RTTN: variants seen among roughly 807,000 people sequenced by gnomAD.
The protein encoded by RTTN is rotatin.
A neutral mutation model predicts 269.2 loss-of-function variants in RTTN; 182 were observed. The observed-to-expected ratio is 0.68, with a 90% CI of 0.60 to 0.76. The LOEUF (loss-of-function observed/expected upper bound fraction) is 0.76, where lower values mean the gene tolerates loss of function less well. RTTN is among the 30% of genes least tolerant of loss of function. The pLI, the probability that RTTN is intolerant of heterozygous loss-of-function variation, is 0.00. For synonymous variants in RTTN, 1,006 were observed against 963.5 expected, an observed-to-expected ratio of 1.04 and a Z score of -0.82; for missense variants, 2,545 against 2,608.6, an observed-to-expected ratio of 0.98 and a Z score of 0.53.
chr18:70,189,064 T>C (rs928516207), intron 9 of RTTN, among the ~76,000 whole-genome samples: 2 of 152,232 alleles, frequency 1.3e-5, no homozygotes, highest in African/African-American at 2.4e-5. Context: ...TACCAAGATA[T>C]AGCTTTATAA....
At chr18:70,142,499 T>A in intron 18 of RTTN, 112 bp from the exon 19 acceptor site, 1 of 642,972 alleles carries the variant, frequency 1.6e-6, no homozygotes, top group South Asian at 1.9e-5. Context: ...TCAACTTATT[T>A]AAATAACCAA....
chr18:70,109,783 C>A, intron 27 of RTTN, 66 bp from the exon 28 acceptor site: 1 of 1,296,042 alleles, frequency 7.7e-7, no homozygotes, highest in African/African-American at 1.5e-5. Flanking sequence ...GGCTATCTTA[C>A]TGGCTATAAA....
At chr18:70,162,411 C>T (rs892775393) in intron 14 of RTTN, among the ~76,000 whole-genome samples, 2 of 152,144 alleles carry the variant, frequency 1.3e-5, no homozygotes, top group African/African-American at 4.8e-5. Flanking sequence ...GCTATAAGGA[C>T]ATACCCGAGA....
chr18:70,157,184 C>T (rs1473109045), intron 14 of RTTN, among the ~76,000 whole-genome samples: 2 of 152,194 alleles, frequency 1.3e-5, no homozygotes, highest in East Asian at 3.9e-4. Flanking sequence ...GCCCCACGCC[C>T]CCCCAGAGCA....
chr18:70,077,722 TAA>T (rs1360166722), intron 32 of RTTN, among the ~76,000 whole-genome samples: 1 of 151,830 alleles, frequency 6.6e-6, no homozygotes, highest in Non-Finnish European at 1.5e-5. Flanking sequence ...AAAGTCATAA[TAA>T]GAGACACAAA....
At chr18:70,192,222 A>G (rs1041353448) in intron 8 of RTTN, among the ~76,000 whole-genome samples, 10 of 152,222 alleles carry the variant, frequency 6.6e-5, no homozygotes, top group Non-Finnish European at 1.5e-4. Flanking sequence ...CAGTATTGCA[A>G]GAAAATAATT....
chr18:70,027,690 G>A (rs2056893457), intron 43 of RTTN, among the ~76,000 whole-genome samples: 1 of 152,098 alleles, frequency 6.6e-6, no homozygotes, highest in Admixed American at 6.5e-5. Context: ...AATATCATAA[G>A]CATGAAGGAA....
intron 35 of RTTN, among the ~76,000 whole-genome samples, chr18:70,063,808 T>C (rs1336155221): frequency 6.6e-6 from 1 of 152,114 alleles, no homozygotes; most frequent in Admixed American, 6.5e-5. Flanking sequence ...TAATTTATTT[T>C]GTAAAACTAA....
At chr18:70,082,925 T>C (rs1375588703) in intron 32 of RTTN, among the ~76,000 whole-genome samples, 1 of 152,118 alleles carries the variant, frequency 6.6e-6, no homozygotes, top group Non-Finnish European at 1.5e-5. Context: ...ACTCCTGGGC[T>C]CAAGTGATCC....
chr18:70,195,707 C>T (rs2061789147), intron 7 of RTTN, among the ~76,000 whole-genome samples: 1 of 152,190 alleles, frequency 6.6e-6, no homozygotes, highest in South Asian at 2.1e-4. Context: ...TTATTAAATA[C>T]ATTAACAATT....
intron 34 of RTTN, among the ~76,000 whole-genome samples, chr18:70,069,059 G>C (rs1226573336): frequency 6.6e-6 from 1 of 152,194 alleles, no homozygotes; most frequent in African/African-American, 2.4e-5. Flanking sequence ...CAAACTTTCA[G>C]ATAAGATGAG....
chr18:70,081,870 G>A (rs1171064569), intron 32 of RTTN, among the ~76,000 whole-genome samples: 1 of 151,766 alleles, frequency 6.6e-6, no homozygotes, highest in Non-Finnish European at 1.5e-5. Flanking sequence ...GATTATGTAA[G>A]AGGATATCCT....
At chr18:70,128,674 C>T (rs2059926599) in intron 23 of RTTN, 128 bp from the exon 24 acceptor site, 2 of 672,992 alleles carry the variant, frequency 3.0e-6, no homozygotes, top group Non-Finnish European at 5.1e-6. Flanking sequence ...TCTCTTAGTC[C>T]CTATTTTAAA....
intron 46 of RTTN, among the ~76,000 whole-genome samples, chr18:70,014,193 C>T (rs1333236004): frequency 1.3e-5 from 2 of 152,186 alleles, no homozygotes; most frequent in African/African-American, 2.4e-5. Context: ...ATTTAAATAG[C>T]TACATGTGGC....
At chr18:70,050,717 A>G (rs184361847) in intron 39 of RTTN, among the ~76,000 whole-genome samples, 4 of 152,336 alleles carry the variant, frequency 2.6e-5, no homozygotes, top group Admixed American at 2.6e-4. Context: ...TGCAGCACAT[A>G]TACACCATGG....
intron 14 of RTTN, among the ~76,000 whole-genome samples, chr18:70,154,496 T>G (rs1184605528): frequency 1.3e-5 from 2 of 152,152 alleles, no homozygotes; most frequent in African/African-American, 4.8e-5. Context: ...GTGATCTTAG[T>G]TTCTTGACCT....
chr18:70,052,655 TCATCACAATGTGTCAATTTAC>T (rs1568303143), intron 38 of RTTN, among the ~76,000 whole-genome samples: 1 of 148,242 alleles, frequency 6.7e-6, no homozygotes, highest in Non-Finnish European at 1.5e-5. Flanking sequence ...TATATATATA[TCATCACAATGTGTCAATTTAC>T]ATACATAAAT....
rs563552139 is a variant in RTTN, at chr18:70,004,351, T to C, written c.6596-115A>G. On this transcript the variant is annotated intron_variant, in intron 48 of 48. Coordinates refer to ENST00000640769, the MANE Select transcript of RTTN (RefSeq NM_173630.4). Reference sequence around the variant, plus strand: ...ACAGGATTTATATATAATTTAAAGCTCTAAGTTCTTGATGTAATAGCATTC... The same window carrying C: ...ACAGGATTTATATATAATTTAAAGCCCTAAGTTCTTGATGTAATAGCATTC... The C allele has an allele frequency of 4.3e-4, 255 of 586,738 alleles. 2 individuals carry two copies. In the African/African-American group the frequency reaches 4.4e-3, roughly 10 times the overall value. 36.3% of individuals were successfully genotyped at this position (586,738 alleles called of 1,614,324 possible). A position where few individuals can be genotyped will look rare whatever the true frequency, so the allele number is the denominator to read the frequency against.
intron 34 of RTTN, among the ~76,000 whole-genome samples, chr18:70,072,066 G>GTTTA (rs2058310304): frequency 6.6e-6 from 1 of 152,076 alleles, no homozygotes; most frequent in Non-Finnish European, 1.5e-5. Flanking sequence ...AGTAACACTG[G>GTTTA]CAGAATGAAA....
Sources: gnomAD v4.1 joint callset for allele counts (sites outside exome capture counted in the v4.1 genomes callset) on GRCh38, gnomAD v4.1.1 for gene constraint, MANE v1.5 for transcripts, NCBI Gene and HGNC (gene_info 2026-07-23, HGNC 2026-07-21) for gene names.